Variants in AMZ1 observed in about 807,000 individuals in gnomAD.
AMZ1 encodes archaelysin family metallopeptidase 1.
A neutral mutation model predicts 29.9 loss-of-function variants in AMZ1; 39 were observed. The ratio of observed to expected loss-of-function variants is 1.30; its 90% CI spans 1.01 to 1.70. AMZ1 has a LOEUF of 1.70. Among genes scored for constraint, AMZ1 ranks in the 40% most tolerant of loss-of-function variants. The pLI is 0.00. For synonymous variants in AMZ1, 458 were observed against 304.0 expected, an observed-to-expected ratio of 1.51 and a Z score of -5.27; for missense variants, 1,041 against 680.6, an observed-to-expected ratio of 1.53 and a Z score of -5.89.
At position 2,712,352 on chromosome 7, in the gene AMZ1, C is replaced by T. The variant is rs540824052; in HGVS notation, c.971C>T (p.Ala324Val). 5.8e-5 allele frequency: 93 copies of T among 1,595,344 alleles called. No individual in the cohort carries two copies. The highest frequency in any genetic ancestry group is 1.3e-4 in the African/African-American group (10 of 74,830). Residue 324 changes from alanine (A) to valine (V), a missense_variant, in exon 7 of 7, where the codon GCG (alanine) becomes GTG (valine). Transcript: ENST00000683327. ...RYQRLYTWTQ[A>V]VVGTWPSQEA... ...TAGAGACTCTACACCTGGACTCAGG[C>T]GGTGGTGGGGACGTGGCCCAGCCAG...
chr7:2,737,587 C>T (rs1279603918), intron 4 of AMZ1, among the ~76,000 whole-genome samples: 1 of 152,116 alleles, frequency 6.6e-6, no homozygotes, highest in East Asian at 1.9e-4. Flanking sequence ...CAGCGCCCGG[C>T]CCTGTCTTAC....
chr7:2,760,376 G>C (rs1791500693), upstream of AMZ1: 1 of 152,604 alleles, frequency 6.6e-6, no homozygotes, highest in African/African-American at 2.4e-5. Context: ...CAGAGGATCT[G>C]AACTGGCTCA....
In AMZ1 at chr7:2,709,292, C is replaced by G. The variant is rs1788591586; in HGVS notation, c.771+48C>G. ...GTAAGAGGGGACAGGAGGGTGCTGT[C>G]TGAGCCCTTGGTGCCTCGGTCTGTT... On this transcript the variant is annotated intron_variant, in intron 5 of 6. Coordinates refer to ENST00000683327, the MANE Select transcript of AMZ1 (RefSeq NM_001384743.1). 9 of 1,464,088 alleles carry G rather than the reference C, an allele frequency of 6.1e-6. No individual in the cohort carries two copies. In the South Asian group the frequency reaches 1.2e-4, roughly 19 times the overall value. The allele number at this position is 1,464,088 out of a possible 1,614,324, so 90.7% of individuals were successfully genotyped here.
chr7:2,737,421 T>A (rs1380416611), intron 4 of AMZ1, among the ~76,000 whole-genome samples: 1 of 151,816 alleles, frequency 6.6e-6, no homozygotes, highest in African/African-American at 2.4e-5. Flanking sequence ...ACAGAGTAGT[T>A]GGGACTACAG....
rs192422414 is a variant in AMZ1, at chr7:2,689,086, T to A, written c.-219+790T>A. 6.6e-4 allele frequency among the ~76,000 whole-genome samples: 100 copies of A among 152,348 alleles called. 2 individuals carry two copies. In the East Asian group the frequency reaches 0.012, roughly 19 times the overall value. On this transcript the variant is annotated intron_variant, in intron 1 of 6. Coordinates refer to ENST00000683327, the MANE Select transcript of AMZ1 (RefSeq NM_001384743.1). ...GTTTTCCCTCCTAGCGAATGGAAAC[T>A]GAGAGGTGAGAAACCCCCAAAACCA... is the stretch of plus-strand genomic sequence containing the variant.
chr7:2,708,277 G>A (rs1021863715), intron 3 of AMZ1, among the ~76,000 whole-genome samples: 1 of 152,216 alleles, frequency 6.6e-6, no homozygotes, highest in African/African-American at 2.4e-5. Context: ...TCGCTCAGCT[G>A]CTGAGGTGGC....
chr7:2,754,775 A>G (rs1383930845), intron 4 of AMZ1, among the ~76,000 whole-genome samples: 1 of 152,130 alleles, frequency 6.6e-6, no homozygotes, highest in African/African-American at 2.4e-5. Flanking sequence ...CAGAGCAAAC[A>G]TTTCAAATTT....
intron 4 of AMZ1, among the ~76,000 whole-genome samples, chr7:2,743,672 T>C (rs798511): frequency 0.24 from 35,915 of 151,970 alleles, 4,878 homozygotes; most frequent in Non-Finnish European, 0.29. Context: ...CTCACTGGGG[T>C]GTGCCAGACA....
chr7:2,708,981 C>A, intron 4 of AMZ1, 94 bp from the exon 5 acceptor site: 1 of 1,430,924 alleles, frequency 7.0e-7, no homozygotes, highest in Non-Finnish European at 9.3e-7. Flanking sequence ...TGGGCCATGG[C>A]CAGCTTGCAT....
chr7:2,739,969 G>T (rs113465583), intron 4 of AMZ1, among the ~76,000 whole-genome samples: 1 of 152,092 alleles, frequency 6.6e-6, no homozygotes, highest in Non-Finnish European at 1.5e-5. Context: ...CACTGTGCCC[G>T]GCAGTCCTTT....
In AMZ1 at chr7:2,715,616, C is replaced by G. The variant is rs1008219206; in HGVS notation, c.*2738C>G. 1 of 152,200 alleles carries G rather than the reference C, an allele frequency of 6.6e-6. No individual in the cohort carries two copies. The highest frequency in any genetic ancestry group is 1.5e-5 in the Non-Finnish European group (1 of 68,040). 9.4% of individuals were successfully genotyped at this position (152,200 alleles called of 1,614,324 possible). On this transcript the variant is annotated 3_prime_UTR_variant, in exon 7 of 7. Coordinates refer to ENST00000683327, the MANE Select transcript of AMZ1 (RefSeq NM_001384743.1). ...TTTATCCGCAGCGTTTACCAACTTGCAGATGTCAGTGAAATTTTTTAAGAC... is the reference window on the plus strand; with the variant it reads ...TTTATCCGCAGCGTTTACCAACTTGGAGATGTCAGTGAAATTTTTTAAGAC...
chr7:2,758,704 G>C (rs760573016), intron 4 of AMZ1, among the ~76,000 whole-genome samples: 1 of 152,196 alleles, frequency 6.6e-6, no homozygotes, highest in African/African-American at 2.4e-5. Context: ...CTGTGTAGCA[G>C]CGTGCCCCTA....
chr7:2,724,252 G>A (rs114672156), downstream of AMZ1, among the ~76,000 whole-genome samples: 1,424 of 152,284 alleles, frequency 9.4e-3, 24 homozygotes, highest in African/African-American at 0.033. Flanking sequence ...CGAGCTACAC[G>A]GTCTAAGCCA....
chr7:2,689,370 T>TGTG (rs1554244930), intron 1 of AMZ1, among the ~76,000 whole-genome samples: 2 of 149,566 alleles, frequency 1.3e-5, no homozygotes, highest in Non-Finnish European at 3.0e-5. Flanking sequence ...AGAACCTCCC[T>TGTG]GGGGGGGGGA....
intron 4 of AMZ1, among the ~76,000 whole-genome samples, chr7:2,755,394 C>G (rs1791245965): frequency 6.6e-6 from 1 of 152,200 alleles, no homozygotes; most frequent in Admixed American, 6.5e-5. Flanking sequence ...CACGGCACAT[C>G]CCTCCATTTG....
In AMZ1 at chr7:2,700,270, G is replaced by A. The variant is rs141359074; in HGVS notation, c.-182G>A. 1,739 of 689,582 alleles carry A rather than the reference G, an allele frequency of 2.5e-3. 5 individuals carry two copies. Among genetic ancestry groups the A allele is most frequent in the Non-Finnish European group, 3.5e-3 (1,474 of 419,648 alleles). 42.7% of individuals were successfully genotyped at this position (689,582 alleles called of 1,614,324 possible). A position where few individuals can be genotyped will look rare whatever the true frequency, so the allele number is the denominator to read the frequency against. ...CCCAGAAGCGCCCATGCCTGAGAGCGTCCAGGACCAGGCAGAGCTGGGCCT... is the reference window on the plus strand; with the variant it reads ...CCCAGAAGCGCCCATGCCTGAGAGCATCCAGGACCAGGCAGAGCTGGGCCT... On this transcript the variant is annotated 5_prime_UTR_variant, in exon 2 of 7. Transcript: ENST00000683327.
rs975037059 is a variant in AMZ1 at position 2,708,769 on chromosome 7, T to C, written c.601+53T>C. 43 of 1,607,814 alleles carry C rather than the reference T, an allele frequency of 2.7e-5. No homozygotes were observed. In the African/African-American group the frequency reaches 3.3e-4, roughly 12 times the overall value. ...TGGGGGGTAGCCTGGCATGGGGCTG[T>C]GGCCTCCGTGGCTGCAGGGCACCCT... On this transcript the variant is annotated intron_variant, in intron 4 of 6. Coordinates refer to ENST00000683327, the MANE Select transcript of AMZ1 (RefSeq NM_001384743.1).
downstream of AMZ1, among the ~76,000 whole-genome samples, chr7:2,720,127 C>T (rs1000220931): frequency 4.6e-5 from 7 of 152,252 alleles, no homozygotes; most frequent in African/African-American, 1.4e-4. Context: ...GACAGGGCTG[C>T]CACGCACTGC....
At chr7:2,728,177 A>G (rs1319765595) in intron 4 of AMZ1, 3 of 152,340 alleles carry the variant, frequency 2.0e-5, no homozygotes, top group Non-Finnish European at 2.9e-5. Flanking sequence ...CAAATTTTCA[A>G]GCCAGACCCT....
Sources: gnomAD v4.1 joint callset for allele counts (sites outside exome capture counted in the v4.1 genomes callset) on GRCh38, gnomAD v4.1.1 for gene constraint, MANE v1.5 for transcripts, NCBI Gene and HGNC (gene_info 2026-07-23, HGNC 2026-07-21) for gene names.